The following CLDN1 variants were observed in gnomAD, a reference collection of about 807,000 sequenced individuals.
CLDN1 encodes claudin-1.
In CLDN1, 12 loss-of-function variants were observed where a neutral mutation model predicts 22.6. The observed-to-expected ratio is 0.53, with a 90% CI of 0.34 to 0.86. The LOEUF (loss-of-function observed/expected upper bound fraction) is 0.86, where lower values mean the gene tolerates loss of function less well. Ranked by LOEUF, CLDN1 falls within the 40% of genes least tolerant of loss-of-function variation. The pLI is 0.02. For missense variants in CLDN1, 250 were observed against 269.5 expected (o/e 0.93, Z 0.51); for synonymous variants, 99 against 103.8 (o/e 0.95, Z 0.28).
At chr3:190,313,060 T>C (rs747472088) in intron 1 of CLDN1, 24 bp from the exon 2 acceptor site, 5 of 1,613,814 alleles carry the variant, frequency 3.1e-6, no homozygotes, top group Non-Finnish European at 4.2e-6. Context: ...TTTTAAAACA[T>C]GTAAAAATAT....
At chr3:190,313,454 TA>T (rs1415564554) in intron 1 of CLDN1, among the ~76,000 whole-genome samples, 2 of 152,346 alleles carry the variant, frequency 1.3e-5, no homozygotes, top group East Asian at 3.9e-4. Context: ...CAAAATGGTT[TA>T]CAGTATATCT....
At chr3:190,320,760 A>G (rs1365593058) in intron 1 of CLDN1, among the ~76,000 whole-genome samples, 2 of 152,150 alleles carry the variant, frequency 1.3e-5, no homozygotes, top group African/African-American at 2.4e-5. Context: ...TTAGCATGCA[A>G]TGGGGGCCAG....
chr3:190,314,083 T>C (rs1474906425), intron 1 of CLDN1, among the ~76,000 whole-genome samples: 1 of 152,228 alleles, frequency 6.6e-6, no homozygotes, highest in Admixed American at 6.5e-5. Context: ...AACTGTGCTA[T>C]CTTGAGCAAG....
chr3:190,321,952 G>A, intron 1 of CLDN1, 32 bp downstream of exon 1: 1 of 1,587,124 alleles, frequency 6.3e-7, no homozygotes, highest in Non-Finnish European at 8.7e-7. Flanking sequence ...TGGGGCCTCT[G>A]GACGGCCGCT....
intron 1 of CLDN1, among the ~76,000 whole-genome samples, chr3:190,314,415 G>A (rs1716708431): frequency 6.6e-6 from 1 of 152,002 alleles, no homozygotes; most frequent in Admixed American, 6.6e-5. Flanking sequence ...CTTTTTTTGA[G>A]ATAGAGTCTT....
chr3:190,317,995 C>G (rs552288001), intron 1 of CLDN1, among the ~76,000 whole-genome samples: 26 of 152,178 alleles, frequency 1.7e-4, no homozygotes, highest in Non-Finnish European at 3.8e-4. Context: ...TTCTCCCCTG[C>G]AATTAAATGA....
rs1007555213 is a variant in CLDN1, at chr3:190,306,295, A to T, written c.*1982T>A. 6.6e-6 allele frequency: 1 copy of T among 152,208 alleles called. No individual in the cohort carries two copies. Among genetic ancestry groups the T allele is most frequent in the Non-Finnish European group, 1.5e-5 (1 of 68,030 alleles). The allele number at this position is 152,208 out of a possible 1,614,324, so 9.4% of individuals were successfully genotyped here. On this transcript the variant is annotated 3_prime_UTR_variant, in exon 4 of 4. Coordinates refer to ENST00000295522, the MANE Select transcript of CLDN1 (RefSeq NM_021101.5). ...GGCCATACTCACTGCAGAAGATAAG[A>T]CTTCCTCAGAATCTTATTTGTTTAG...
In CLDN1 at chr3:190,306,322, G is replaced by A. The variant is rs1271292974; in HGVS notation, c.*1955C>T. On this transcript the variant is annotated 3_prime_UTR_variant, in exon 4 of 4. Transcript: ENST00000295522. The stretch of plus-strand genomic sequence containing the variant: ...TTCCTCAGAATCTTATTTGTTTAGT[G>A]CACTCAATTTTACTTCACTGTCTCA... 6.6e-6 allele frequency: 1 copy of A among 152,174 alleles called. No individual in the cohort carries two copies. The highest frequency in any genetic ancestry group is 1.5e-5 in the Non-Finnish European group (1 of 68,036). 9.4% of individuals were successfully genotyped at this position (152,174 alleles called of 1,614,324 possible). A position where few individuals can be genotyped will look rare whatever the true frequency, so the allele number is the denominator to read the frequency against.
At chr3:190,310,970 C>T (rs927681728) in intron 2 of CLDN1, among the ~76,000 whole-genome samples, 1 of 151,972 alleles carries the variant, frequency 6.6e-6, no homozygotes, top group Non-Finnish European at 1.5e-5. Flanking sequence ...ATTTTTTTAT[C>T]AAAAAAGTTA....
Position 190,310,152 on chromosome 3 carries a change from C to A in CLDN1, c.473+17G>T. The A allele has an allele frequency of 6.2e-7, 1 of 1,601,460 alleles. No homozygotes were observed. The highest frequency in any genetic ancestry group is 8.6e-7 in the Non-Finnish European group (1 of 1,168,646). ...TTTTCTCAGAAAACAAACTATTTTA[C>A]GCCTGAATAGCGTTACCTGGCATTG... is the stretch of plus-strand genomic sequence containing the variant. On this transcript the variant is annotated intron_variant, in intron 3 of 3. Transcript: ENST00000295522.
Position 190,313,009 on chromosome 3 carries a change from A to T in CLDN1, c.251T>A (p.Met84Lys), listed in dbSNP as rs1422597025. ...CACTCCCAGGAGGATGCCAACCACC[A>T]TCAAGGCACGGGTTGCTTGCAATGT... ...SSTLQATRAL[M>K]VVGILLGVIA... Residue 84 changes from methionine to lysine, a missense_variant, in exon 2 of 4, where the codon ATG becomes AAG. Transcript: ENST00000295522. 2 of 1,614,218 alleles carry T rather than the reference A, an allele frequency of 1.2e-6. No homozygotes were observed. Among genetic ancestry groups the T allele is most frequent in the Non-Finnish European group, 1.7e-6 (2 of 1,180,036 alleles).
intron 2 of CLDN1, among the ~76,000 whole-genome samples, chr3:190,311,956 T>C (rs889690647): frequency 4.5e-4 from 1 of 2,222 alleles, no homozygotes; most frequent in African/African-American, 4.5e-3. Flanking sequence ...TTTCTTTTCT[T>C]TTTTCTTTTT....
Position 190,307,948 on chromosome 3 carries a change from T to C in CLDN1, c.*329A>G, listed in dbSNP as rs1716503008. On this transcript the variant is annotated 3_prime_UTR_variant, in exon 4 of 4. Coordinates refer to ENST00000295522, the MANE Select transcript of CLDN1 (RefSeq NM_021101.5). The stretch of plus-strand genomic sequence containing the variant: ...ACATAATGAGAATAGTATTTTACTG[T>C]CTATTTTTAATAGAAAAACATGTAT... The C allele has an allele frequency of 4.8e-6, 1 of 208,198 alleles. No individual in the cohort carries two copies. Among genetic ancestry groups the C allele is most frequent in the Non-Finnish European group, 9.9e-6 (1 of 101,398 alleles). The allele number at this position is 208,198 out of a possible 1,614,324, so 12.9% of individuals were successfully genotyped here.
chr3:190,311,234 C>T (rs1397382225), intron 2 of CLDN1, among the ~76,000 whole-genome samples: 2 of 152,162 alleles, frequency 1.3e-5, no homozygotes, highest in Non-Finnish European at 2.9e-5. Flanking sequence ...AGAAGGCAAG[C>T]GAAGGAAGAA....
Position 190,322,016 on chromosome 3 carries a change from C to A in CLDN1, c.191G>T (p.Cys64Phe), listed in dbSNP as rs755467541. ...CVSQSTGQIQCKVFDSLLNLS... is the reference protein window; with the variant it reads ...CVSQSTGQIQFKVFDSLLNLS... The stretch of plus-strand genomic sequence containing the variant: ...ATTCAGCAAGGAGTCAAAGACTTTG[C>A]ACTGGATCTGCCCGGTGCTCTGCGA... Residue 64 changes from cysteine to phenylalanine, a missense_variant, in exon 1 of 4, where the codon TGC (cysteine) becomes TTC (phenylalanine). By Grantham distance (205) the Cys-to-Phe change is radical. Coordinates refer to ENST00000295522, the MANE Select transcript of CLDN1 (RefSeq NM_021101.5). 2.5e-6 allele frequency: 4 copies of A among 1,614,206 alleles called. No individual in the cohort carries two copies. Among genetic ancestry groups the A allele is most frequent in the South Asian group, 2.2e-5 (2 of 91,082 alleles).
Position 190,322,275 on chromosome 3 carries a change from A to C in CLDN1, c.-69T>G. 7.2e-7 allele frequency: 1 copy of C among 1,395,800 alleles called. No individual in the cohort carries two copies. Among genetic ancestry groups the C allele is most frequent in the Non-Finnish European group, 1.0e-6 (1 of 994,882 alleles). 86.5% of individuals were successfully genotyped at this position (1,395,800 alleles called of 1,614,324 possible). On this transcript the variant is annotated 5_prime_UTR_variant, in exon 1 of 4. Transcript: ENST00000295522. ...GAAGGCGGAGAGTTTGCAGGTGGGCAACCCGGACTCCCGAAGGTGGCTGGG... is the reference window on the plus strand; with the variant it reads ...GAAGGCGGAGAGTTTGCAGGTGGGCCACCCGGACTCCCGAAGGTGGCTGGG...
At chr3:190,313,819 T>G (rs1228820635) in intron 1 of CLDN1, among the ~76,000 whole-genome samples, 1 of 152,196 alleles carries the variant, frequency 6.6e-6, no homozygotes, top group East Asian at 1.9e-4. Flanking sequence ...ATTTTTGGTG[T>G]ACTAACTCAT....
Position 190,316,384 on chromosome 3 carries a change from T to C in CLDN1, c.224-3348A>G, listed in dbSNP as rs150550499. Among the ~76,000 whole-genome samples the C allele has an allele frequency of 8.3e-4, 126 of 152,342 alleles. 1 individual carries two copies. The highest frequency in any genetic ancestry group is 2.9e-3 in the African/African-American group (119 of 41,590). On this transcript the variant is annotated intron_variant, in intron 1 of 3. Coordinates refer to ENST00000295522, the MANE Select transcript of CLDN1 (RefSeq NM_021101.5). ...AGATATTTGGATAAATTCTTAAGTA[T>C]AGTTATATGTGAGGAAAATGCAAAA... is the stretch of plus-strand genomic sequence containing the variant.
At chr3:190,314,805 A>G (rs6809685) in intron 1 of CLDN1, among the ~76,000 whole-genome samples, 24,218 of 152,124 alleles carry the variant, frequency 0.16, 2,115 homozygotes, top group African/African-American at 0.23. Context: ...AAAAATAAAA[A>G]AGAGACTTCC....
Sources: allele counts gnomAD v4.1 joint callset (sites outside exome capture counted in the v4.1 genomes callset), GRCh38; gene constraint gnomAD v4.1.1; transcripts MANE v1.5; gene names NCBI Gene and HGNC (gene_info 2026-07-23, HGNC 2026-07-21).